The following CACNA1D variants were observed in gnomAD, a reference collection of about 807,000 sequenced individuals.
The protein encoded by CACNA1D is calcium voltage-gated channel subunit alpha1 D.
In CACNA1D, 55 loss-of-function variants were observed where a neutral mutation model predicts 257.1. The ratio of observed to expected loss-of-function variants is 0.21; its 90% CI spans 0.17 to 0.27. The LOEUF (loss-of-function observed/expected upper bound fraction) is 0.27. Among genes scored for constraint, CACNA1D ranks in the 10% least tolerant of loss-of-function variants. The pLI is 1.00. For synonymous variants in CACNA1D, 980 were observed against 1,014.9 expected, an observed-to-expected ratio of 0.97 and a Z score of 0.65; for missense variants, 1,876 against 2,784.0, an observed-to-expected ratio of 0.67 and a Z score of 7.34.
Position 53,751,996 on chromosome 3 carries a change from C to CAGG in CACNA1D, c.3675+93_3675+95dup, listed in dbSNP as rs2095230341. 7.6e-7 allele frequency: 1 copy of CAGG among 1,308,920 alleles called. No homozygotes were observed. The highest frequency in any genetic ancestry group is 1.1e-6 in the Non-Finnish European group (1 of 903,078). The allele number at this position is 1,308,920 out of a possible 1,614,324, so 81.1% of individuals were successfully genotyped here. On this transcript the variant is annotated intron_variant, in intron 28 of 47. Coordinates refer to ENST00000350061, the MANE Select transcript of CACNA1D (RefSeq NM_001128840.3). The surrounding 1 kb of genome is among the most constrained non-coding windows in gnomAD (Gnocchi z 4.3). ...GCTGAGGGTGGAATGCTGCCCCTCA[C>CAGG]AGGAGGGGTTTGATTTTTCTGATGA...
Position 53,666,300 on chromosome 3 carries a change from T to G in CACNA1D, c.920-39T>G, listed in dbSNP as rs749278134. 50 of 1,592,344 alleles carry G rather than the reference T, an allele frequency of 3.1e-5. No individual in the cohort carries two copies. The Admixed American group carries it at 8.0e-4, about 25-fold the overall frequency. On this transcript the variant is annotated intron_variant, in intron 6 of 47. Coordinates refer to ENST00000350061, the MANE Select transcript of CACNA1D (RefSeq NM_001128840.3). ...CCGCTGGCTTGGATTTCCTGATGTT[T>G]CTGTCCTGAGCGGTACAGCCTGTTT...
At position 53,809,101 on chromosome 3, in the gene CACNA1D, G is replaced by A. The variant is rs1381154493; in HGVS notation, c.5871+331G>A. ...TGTGATCTGAGCTCAGGGAGTGGGG[G>A]CCACTTGGCTGATTCTGAACAAGCG... On this transcript the variant is annotated intron_variant, in intron 46 of 47. Transcript: ENST00000350061. 2.9e-4 allele frequency: 93 copies of A among 324,536 alleles called. 1 individual carries two copies. Among genetic ancestry groups the A allele is most frequent in the Non-Finnish European group, 1.1e-4 (19 of 172,724 alleles). 20.1% of individuals were successfully genotyped at this position (324,536 alleles called of 1,614,324 possible).
chr3:53,496,060 G>A (rs1160014152), intron 1 of CACNA1D, among the ~76,000 whole-genome samples: 1 of 152,214 alleles, frequency 6.6e-6, no homozygotes, highest in African/African-American at 2.4e-5. Flanking sequence ...TCCCCGCTCC[G>A]ATTGCCCGCC....
chr3:53,523,505 C>G (rs1027524117), intron 3 of CACNA1D, among the ~76,000 whole-genome samples: 2 of 152,244 alleles, frequency 1.3e-5, no homozygotes, highest in Non-Finnish European at 2.9e-5. Flanking sequence ...CACAGTGGCA[C>G]AACTGAGACT....
intron 9 of CACNA1D, among the ~76,000 whole-genome samples, chr3:53,717,651 G>A (rs1325743879): frequency 1.3e-5 from 2 of 152,080 alleles, no homozygotes; most frequent in South Asian, 2.1e-4. Context: ...TCTTCCACTC[G>A]TAACACTATA....
chr3:53,658,497 A>G (rs889622549), intron 4 of CACNA1D, among the ~76,000 whole-genome samples: 1 of 152,236 alleles, frequency 6.6e-6, no homozygotes, highest in African/African-American at 2.4e-5. Context: ...AACAAGGAAT[A>G]AAGGGACCAT....
intron 40 of CACNA1D, among the ~76,000 whole-genome samples, chr3:53,799,206 T>A (rs909799095): frequency 6.6e-6 from 1 of 152,222 alleles, no homozygotes; most frequent in African/African-American, 2.4e-5. Context: ...CAGGACTTTC[T>A]GTGGAAAAGA....
intron 3 of CACNA1D, among the ~76,000 whole-genome samples, chr3:53,615,151 A>G (rs1020331378): frequency 2.0e-5 from 3 of 152,134 alleles, no homozygotes; most frequent in African/African-American, 7.2e-5. Context: ...TATCTATTTT[A>G]TGTGTCCCCT....
chr3:53,731,230 G>T (rs771636474), intron 17 of CACNA1D, 84 bp downstream of exon 17: 3 of 881,808 alleles, frequency 3.4e-6, no homozygotes, highest in Non-Finnish European at 5.8e-6. Flanking sequence ...CACTGTGGAA[G>T]TGTCTTGTGT....
rs183328751 is a variant in CACNA1D, at chr3:53,608,692, T to C, written c.484-42087T>C. Among the ~76,000 whole-genome samples, 431 of 152,308 alleles carry C rather than the reference T, an allele frequency of 2.8e-3. 4 individuals carry two copies. The highest frequency in any genetic ancestry group is 6.8e-3 in the Middle Eastern group (2 of 294). On this transcript the variant is annotated intron_variant, in intron 3 of 47. Coordinates refer to ENST00000350061, the MANE Select transcript of CACNA1D (RefSeq NM_001128840.3). ...CAGGAGCTTTTACCATGAGTAGTTA[T>C]GGAATTTTATAACACTCTTTTAACG...
chr3:53,665,015 C>T (rs117264371), intron 5 of CACNA1D, among the ~76,000 whole-genome samples: 1 of 152,158 alleles, frequency 6.6e-6, no homozygotes, highest in Non-Finnish European at 1.5e-5. Flanking sequence ...TCAATGAGCA[C>T]GGTGCCAGGG....
chr3:53,697,811 C>G (rs1346661950), intron 8 of CACNA1D, among the ~76,000 whole-genome samples: 5 of 152,154 alleles, frequency 3.3e-5, no homozygotes, highest in Admixed American at 1.3e-4. Context: ...TTCTCTAGCT[C>G]CTGTATCCTT....
intron 5 of CACNA1D, among the ~76,000 whole-genome samples, chr3:53,661,406 G>T (rs538334194): frequency 6.6e-6 from 1 of 152,210 alleles, no homozygotes; most frequent in Non-Finnish European, 1.5e-5. Context: ...TTTCCAGATG[G>T]TTCATTTATT....
At chr3:53,807,199 G>C (rs543794006) in intron 45 of CACNA1D, among the ~76,000 whole-genome samples, 3 of 152,382 alleles carry the variant, frequency 2.0e-5, no homozygotes, top group Middle Eastern at 6.8e-3. Flanking sequence ...ACATACAGGA[G>C]AGGGACCGCT....
At chr3:53,584,983 T>C (rs1214766321) in intron 3 of CACNA1D, among the ~76,000 whole-genome samples, 1 of 151,904 alleles carries the variant, frequency 6.6e-6, no homozygotes, top group African/African-American at 2.4e-5. Context: ...TCCTGAAGAA[T>C]GAAAAGCTTA....
chr3:53,745,624 C>A lies in CACNA1D; in HGVS notation c.3007C>A (p.His1003Asn). 6.2e-7 allele frequency: 1 copy of A among 1,607,214 alleles called. No homozygotes were observed. ...RAINRAKGLK[H>N]VVQCVFVAIR... ...TCACGCCCCTCTGCCCTCTCCGCAG[C>A]ACGTGGTCCAGTGCGTCTTCGTGGC... Residue 1003 changes from histidine to asparagine, a missense_variant and splice_region_variant, in exon 24 of 48, where the codon CAC becomes AAC. Transcript: ENST00000350061.
intron 44 of CACNA1D, among the ~76,000 whole-genome samples, chr3:53,804,266 C>A (rs1044407558): frequency 6.6e-6 from 1 of 152,296 alleles, no homozygotes; most frequent in East Asian, 1.9e-4. Flanking sequence ...GCCTGACCCT[C>A]ACCCTCTGCT....
chr3:53,665,524 A>G, intron 5 of CACNA1D, 136 bp from the exon 6 acceptor site: 2 of 723,948 alleles, frequency 2.8e-6, no homozygotes, highest in South Asian at 1.7e-5. Flanking sequence ...CTTAATATTA[A>G]TGAAAAGCTT....
chr3:53,567,671 A>T (rs938481181), intron 3 of CACNA1D, among the ~76,000 whole-genome samples: 3 of 152,274 alleles, frequency 2.0e-5, no homozygotes, highest in African/African-American at 7.2e-5. Flanking sequence ...CCATGTATTC[A>T]TAAAAAATAA....
Sources: gnomAD v4.1 joint callset for allele counts (sites outside exome capture counted in the v4.1 genomes callset) on GRCh38, gnomAD v4.1.1 for gene constraint, Gnocchi (gnomAD v3.1) non-coding constraint, MANE v1.5 for transcripts, NCBI Gene and HGNC (gene_info 2026-07-23, HGNC 2026-07-21) for gene names.